Variants in SAMMSON observed in about 807,000 individuals in gnomAD.
SAMMSON encodes the protein survival associated mitochondrial melanoma specific oncogenic non-coding RNA.
chr3:70,141,644 T>C (rs573834308), intron 4 of SAMMSON, among the ~76,000 whole-genome samples: 45 of 152,344 alleles, frequency 3.0e-4, no homozygotes, highest in African/African-American at 1.1e-3. Flanking sequence ...AAAAATAGTG[T>C]ATGTTTTTAA....
chr3:70,226,073 AT>A (rs1355284400), intron 4 of SAMMSON, among the ~76,000 whole-genome samples: 2 of 152,240 alleles, frequency 1.3e-5, no homozygotes, highest in Non-Finnish European at 2.9e-5. Flanking sequence ...CTTAAAAAAA[AT>A]AAAAGACAAC....
At chr3:70,097,281 G>T (rs2067326263) in intron 4 of SAMMSON, among the ~76,000 whole-genome samples, 1 of 152,186 alleles carries the variant, frequency 6.6e-6, no homozygotes, top group Non-Finnish European at 1.5e-5. Flanking sequence ...GCCCTAGATG[G>T]CACTCATGAT....
At chr3:70,190,110 C>T (rs1230966988) in intron 4 of SAMMSON, among the ~76,000 whole-genome samples, 1 of 152,150 alleles carries the variant, frequency 6.6e-6, no homozygotes, top group East Asian at 1.9e-4. Flanking sequence ...CCCATTTCTT[C>T]CCTAATGAAA....
intron 9 of SAMMSON, among the ~76,000 whole-genome samples, chr3:70,359,936 C>T (rs1333348928): frequency 6.6e-6 from 1 of 152,062 alleles, no homozygotes; most frequent in Non-Finnish European, 1.5e-5. Context: ...CGAATTGGTG[C>T]TGTGAGACTC....
At chr3:70,253,347 G>A (rs1288412739) in intron 6 of SAMMSON, among the ~76,000 whole-genome samples, 1 of 152,158 alleles carries the variant, frequency 6.6e-6, no homozygotes, top group African/African-American at 2.4e-5. Flanking sequence ...TGGAGTCCAA[G>A]GTGGGGGATA....
At chr3:70,412,259 T>C (rs147495607) in intron 2 of SAMMSON, among the ~76,000 whole-genome samples, 78 of 152,276 alleles carry the variant, frequency 5.1e-4, no homozygotes, top group East Asian at 4.4e-3. Flanking sequence ...ACCCCCACAT[T>C]ATGTCATATG....
chr3:70,417,732 A>AC (rs1701277537), intron 2 of SAMMSON, among the ~76,000 whole-genome samples: 1 of 152,086 alleles, frequency 6.6e-6, no homozygotes, highest in African/African-American at 2.4e-5. Flanking sequence ...GATTATAGAC[A>AC]CTTTGATCAT....
chr3:70,057,086 G>T (rs2067170643), intron 3 of SAMMSON, among the ~76,000 whole-genome samples: 1 of 151,994 alleles, frequency 6.6e-6, no homozygotes, highest in African/African-American at 2.4e-5. Flanking sequence ...AAGAGAAAAA[G>T]AAATAGTTTC....
intron 7 of SAMMSON, among the ~76,000 whole-genome samples, chr3:70,313,443 A>C (rs1007710270): frequency 6.6e-6 from 1 of 151,704 alleles, no homozygotes; most frequent in South Asian, 2.1e-4. Flanking sequence ...GTGCCATTGC[A>C]CTTCAGCCTG....
intron 3 of SAMMSON, among the ~76,000 whole-genome samples, chr3:70,047,876 C>A (rs1027115443): frequency 6.6e-6 from 1 of 152,038 alleles, no homozygotes; most frequent in African/African-American, 2.4e-5. Context: ...TCTGCTCTTG[C>A]AAACCATTTT....
At chr3:70,174,150 A>C (rs1207648582) in intron 4 of SAMMSON, among the ~76,000 whole-genome samples, 1 of 151,886 alleles carries the variant, frequency 6.6e-6, no homozygotes, top group Non-Finnish European at 1.5e-5. Context: ...CTAGAATTTT[A>C]CATTTTGGAT....
chr3:70,122,962 T>G (rs73105974), intron 4 of SAMMSON, among the ~76,000 whole-genome samples: 11,879 of 152,256 alleles, frequency 0.078, 577 homozygotes, highest in Non-Finnish European at 0.11. Flanking sequence ...TTTTTTGCAG[T>G]GAGGAATGCT....
intron 4 of SAMMSON, among the ~76,000 whole-genome samples, chr3:70,226,463 C>T (rs559920050): frequency 3.1e-4 from 47 of 152,088 alleles, no homozygotes; most frequent in Non-Finnish European, 6.0e-4. Context: ...CAAGGCTGGG[C>T]GCAGTGGCTC....
intron 4 of SAMMSON, among the ~76,000 whole-genome samples, chr3:70,217,279 G>A (rs115176127): frequency 2.0e-5 from 3 of 152,220 alleles, no homozygotes; most frequent in Non-Finnish European, 4.4e-5. Flanking sequence ...TACAAACGTA[G>A]ATAGTTTCTA....
At chr3:70,229,338 T>C (rs1395157249) in intron 4 of SAMMSON, among the ~76,000 whole-genome samples, 1 of 152,192 alleles carries the variant, frequency 6.6e-6, no homozygotes, top group Non-Finnish European at 1.5e-5. Context: ...GAATGATCCT[T>C]ATTTGCATAT....
At chr3:70,214,477 G>T (rs1333857013) in intron 4 of SAMMSON, among the ~76,000 whole-genome samples, 2 of 151,996 alleles carry the variant, frequency 1.3e-5, no homozygotes, top group Admixed American at 1.3e-4. Context: ...AGAAATAATA[G>T]AAGTGAGTGT....
chr3:70,367,680 T>A (rs1702932190), intron 9 of SAMMSON, among the ~76,000 whole-genome samples: 1 of 151,692 alleles, frequency 6.6e-6, no homozygotes, highest in Admixed American at 6.6e-5. Context: ...AGTGATGTAT[T>A]AATCATCGGA....
At chr3:70,029,474 C>T (rs1252478314) in intron 3 of SAMMSON, among the ~76,000 whole-genome samples, 1 of 151,976 alleles carries the variant, frequency 6.6e-6, no homozygotes, top group Non-Finnish European at 1.5e-5. Context: ...CTTAATTTGG[C>T]GGGGCGTGGT....
intron 1 of SAMMSON, among the ~76,000 whole-genome samples, chr3:70,010,299 C>G (rs2066948384): frequency 1.3e-5 from 2 of 152,128 alleles, no homozygotes; most frequent in Admixed American, 6.6e-5. Context: ...TCTCTAAGAA[C>G]TTGCTTTATG....
Sources: gnomAD v4.1 joint callset for allele counts (sites outside exome capture counted in the v4.1 genomes callset) on GRCh38, gnomAD v4.1.1 for gene constraint, MANE v1.5 for transcripts, NCBI Gene and HGNC (gene_info 2026-07-23, HGNC 2026-07-21) for gene names.